Variants in KIF15 observed in about 807,000 individuals in gnomAD.
The protein encoded by KIF15 is kinesin-like protein KIF15.
A neutral mutation model predicts 190.6 loss-of-function variants in KIF15; 140 were observed. That is an observed-to-expected ratio of 0.73 (90% CI 0.64 to 0.84). The LOEUF (loss-of-function observed/expected upper bound fraction) is 0.84, where lower values mean the gene tolerates loss of function less well. Among genes scored for constraint, KIF15 ranks in the 40% least tolerant of loss-of-function variants. The probability of loss-of-function intolerance (pLI) is 0.00; values close to 1 mark genes in which losing one functional copy is unlikely to be tolerated. For synonymous variants in KIF15, 528 were observed against 551.3 expected, an observed-to-expected ratio of 0.96 and a Z score of 0.59; for missense variants, 1,372 against 1,584.4, an observed-to-expected ratio of 0.87 and a Z score of 2.28.
chr3:44,801,679 G>C, intron 12 of KIF15, 86 bp from the exon 13 acceptor site: 1 of 974,780 alleles, frequency 1.0e-6, no homozygotes, highest in Non-Finnish European at 1.5e-6. Flanking sequence ...GATTAAATAT[G>C]AAATTAGTAT....
chr3:44,808,572 C>G (rs1386399087), intron 16 of KIF15, among the ~76,000 whole-genome samples: 1 of 149,854 alleles, frequency 6.7e-6, no homozygotes, highest in Non-Finnish European at 1.5e-5. Flanking sequence ...AGAGTTGTTT[C>G]CTAGATTGTG....
intron 10 of KIF15, among the ~76,000 whole-genome samples, chr3:44,798,720 AG>A (rs1483323625): frequency 2.0e-5 from 3 of 152,116 alleles, no homozygotes; most frequent in Non-Finnish European, 4.4e-5. Flanking sequence ...TTTTTTCTTA[AG>A]GGAAAGCAAA....
intron 1 of KIF15, among the ~76,000 whole-genome samples, chr3:44,774,092 G>C (rs967241280): frequency 6.6e-6 from 1 of 152,152 alleles, no homozygotes; most frequent in African/African-American, 2.4e-5. Context: ...TTCCCTTACT[G>C]TGCATGTGTT....
Position 44,786,468 on chromosome 3 carries a change from T to C in KIF15, c.533T>C (p.Leu178Pro), listed in dbSNP as rs770735113. ...TACAACGAGCAGATATATGATCTAC[T>C]GGACTCTGCATCGGCTGGACTGTAC... The part of the protein sequence containing the change: ...EIYNEQIYDL[L>P]DSASAGLYLR... The change falls in exon 7 of 35, where the codon CTG (leucine) becomes CCG (proline). Residue 178 changes from leucine to proline, a missense_variant. Transcript: ENST00000326047. The C allele has an allele frequency of 2.9e-5, 46 of 1,613,894 alleles. No individual in the cohort carries two copies. Among genetic ancestry groups the C allele is most frequent in the Non-Finnish European group, 3.8e-5 (45 of 1,179,904 alleles).
chr3:44,848,363 C>T (rs945152037), intron 31 of KIF15, among the ~76,000 whole-genome samples, 158 bp from the exon 32 acceptor site: 16 of 152,220 alleles, frequency 1.1e-4, no homozygotes, highest in African/African-American at 3.6e-4. Flanking sequence ...GAAATAGGTA[C>T]TTACTTTATG....
At chr3:44,796,133 G>A (rs1706966790) in intron 8 of KIF15, among the ~76,000 whole-genome samples, 1 of 152,186 alleles carries the variant, frequency 6.6e-6, no homozygotes, top group African/African-American at 2.4e-5. Flanking sequence ...AAAGTGTTGG[G>A]ATTACAGGCG....
In KIF15 at chr3:44,803,005, G is replaced by T; in HGVS notation, c.1687+14G>T. ...AAAGTGACAAAAGTAAGAAATGATT[G>T]TTGTATATACGTGCCATGTAGGAAG... is the stretch of plus-strand genomic sequence containing the variant. On this transcript the variant is annotated intron_variant, in intron 14 of 34. Transcript: ENST00000326047. 1 of 1,586,018 alleles carries T rather than the reference G, an allele frequency of 6.3e-7. No individual in the cohort carries two copies. Among genetic ancestry groups the T allele is most frequent in the Non-Finnish European group, 8.5e-7 (1 of 1,170,188 alleles).
At chr3:44,843,388 G>C (rs774170776) in intron 30 of KIF15, among the ~76,000 whole-genome samples, 154 bp downstream of exon 30, 7 of 152,178 alleles carry the variant, frequency 4.6e-5, no homozygotes, top group Admixed American at 6.5e-5. Flanking sequence ...AATCAAGTCT[G>C]ATCTGTTCAC....
At position 44,801,889 on chromosome 3, in the gene KIF15, A is replaced by G. The variant is rs766560985; in HGVS notation, c.1424A>G (p.Lys475Arg). The G allele has an allele frequency of 1.2e-6, 2 of 1,613,742 alleles. No individual in the cohort carries two copies. The highest frequency in any genetic ancestry group is 1.1e-5 in the South Asian group (1 of 91,054). Reference sequence around the variant, plus strand: ...ATAATACGCTTGGAAAAGCTCCACAAGGAATCCCGGGGAGGTTTTCTGCCT... The same window carrying G: ...ATAATACGCTTGGAAAAGCTCCACAGGGAATCCCGGGGAGGTTTTCTGCCT... ...DQIIRLEKLH[K>R]ESRGGFLPEE... Residue 475 changes from lysine (K) to arginine (R), a missense_variant, in exon 13 of 35, where the codon AAG (lysine) becomes AGG (arginine). Physicochemically the swap from Lys to Arg is conservative, Grantham distance 26. Coordinates refer to ENST00000326047, the MANE Select transcript of KIF15 (RefSeq NM_020242.3).
At chr3:44,811,511 G>C (rs1400576520) in intron 17 of KIF15, among the ~76,000 whole-genome samples, 1 of 152,124 alleles carries the variant, frequency 6.6e-6, no homozygotes, top group African/African-American at 2.4e-5. Flanking sequence ...CGGGTGTGGT[G>C]GTACATGCCT....
In KIF15 at chr3:44,797,509, C is replaced by T. The variant is rs75817176; in HGVS notation, c.850-42C>T. 8.2e-5 allele frequency: 131 copies of T among 1,602,676 alleles called. No individual in the cohort carries two copies. The African/African-American group carries it at 1.5e-3, about 18-fold the overall frequency. On this transcript the variant is annotated intron_variant, in intron 8 of 34. Transcript: ENST00000326047. ...TTTCATTCAAAATACCAAAGAGTAA[C>T]CAACGTACCTAAATTTTTGTTCTTT...
intron 6 of KIF15, chr3:44,864,122 C>T: frequency 2.5e-6 from 4 of 1,594,044 alleles, no homozygotes; most frequent in Non-Finnish European, 3.4e-6. Flanking sequence ...CAACCACAGT[C>T]CTGGGTGTGC....
chr3:44,767,026 G>A (rs1211196257), intron 1 of KIF15, among the ~76,000 whole-genome samples: 1 of 151,928 alleles, frequency 6.6e-6, no homozygotes, highest in East Asian at 1.9e-4. Flanking sequence ...TAGCCAGGGT[G>A]GTCTCGATCT....
In KIF15 at chr3:44,833,365, A is replaced by G. The variant is rs143920486; in HGVS notation, c.3171+2347A>G. ...TCTATTATTATATTTACATTGTAATATATAATAAAATAGTTGTACAACTCA... is the reference window on the plus strand; with the variant it reads ...TCTATTATTATATTTACATTGTAATGTATAATAAAATAGTTGTACAACTCA... On this transcript the variant is annotated intron_variant, in intron 26 of 34. Transcript: ENST00000326047. 4.0e-3 allele frequency among the ~76,000 whole-genome samples: 614 copies of G among 152,102 alleles called. 5 individuals are homozygous for G. Among genetic ancestry groups the G allele is most frequent in the African/African-American group, 0.013 (524 of 41,480 alleles).
intron 1 of KIF15, among the ~76,000 whole-genome samples, chr3:44,770,998 C>T (rs1257157496): frequency 6.6e-6 from 1 of 152,126 alleles, no homozygotes; most frequent in Non-Finnish European, 1.5e-5. Context: ...TTCATGAGTC[C>T]TGTTTGTTTT....
intron 20 of KIF15, among the ~76,000 whole-genome samples, chr3:44,820,917 G>C (rs1287967780): frequency 6.6e-6 from 1 of 152,038 alleles, no homozygotes; most frequent in Non-Finnish European, 1.5e-5. Context: ...TCACCTCCCA[G>C]TAGGGGCGGC....
intron 15 of KIF15, 121 bp downstream of exon 15, chr3:44,805,289 C>A: frequency 1.1e-6 from 1 of 892,300 alleles, no homozygotes; most frequent in Non-Finnish European, 1.7e-6. Context: ...ATAGCAGCAA[C>A]TACTTTGACA....
intron 6 of KIF15, chr3:44,862,235 G>C (rs933902231): frequency 3.5e-6 from 2 of 573,008 alleles, no homozygotes; most frequent in Non-Finnish European, 4.4e-6. Flanking sequence ...GGTGGGCGCA[G>C]GGCGCCGCCG....
chr3:44,850,661 G>T (rs1215787640), intron 32 of KIF15, among the ~76,000 whole-genome samples: 1 of 152,140 alleles, frequency 6.6e-6, no homozygotes, highest in African/African-American at 2.4e-5. Context: ...AAGTAATGGG[G>T]AACCAATACA....
Sources: allele counts gnomAD v4.1 joint callset (sites outside exome capture counted in the v4.1 genomes callset), GRCh38; gene constraint gnomAD v4.1.1; transcripts MANE v1.5; gene names NCBI Gene and HGNC (gene_info 2026-07-23, HGNC 2026-07-21).